The following GLI3 variants were observed in gnomAD, a reference collection of about 807,000 sequenced individuals.
GLI3 encodes transcription activator GLI3.
In GLI3, 20 loss-of-function variants were observed where a neutral mutation model predicts 100.8. That is an observed-to-expected ratio of 0.20 (90% CI 0.14 to 0.29). GLI3 has a LOEUF of 0.29. Among genes scored for constraint, GLI3 ranks in the 10% least tolerant of loss-of-function variants. GLI3 has a pLI of 1.00. For synonymous variants in GLI3, 938 were observed against 860.5 expected (o/e 1.09, Z -1.58); for missense variants, 2,040 against 2,128.5 (o/e 0.96, Z 0.82).
intron 2 of GLI3, among the ~76,000 whole-genome samples, chr7:42,153,759 T>C (rs1321218234): frequency 2.6e-5 from 4 of 152,176 alleles, no homozygotes; most frequent in East Asian, 1.9e-4. Context: ...TGAGGCTCCA[T>C]AAATATGTTG....
intron 3 of GLI3, among the ~76,000 whole-genome samples, chr7:42,078,025 T>C (rs933650141): frequency 3.3e-5 from 5 of 152,200 alleles, no homozygotes; most frequent in Non-Finnish European, 7.3e-5. Context: ...CTTCCAGTTA[T>C]TTCACCCTAG....
intron 2 of GLI3, among the ~76,000 whole-genome samples, chr7:42,214,533 G>A (rs1369458898): frequency 7.0e-5 from 10 of 142,236 alleles, no homozygotes; most frequent in Admixed American, 2.8e-4. Flanking sequence ...GAGCAAGCAA[G>A]AAAAAAAAAA....
chr7:42,038,763 T>C (rs748987909), intron 7 of GLI3, among the ~76,000 whole-genome samples: 3 of 152,230 alleles, frequency 2.0e-5, no homozygotes, highest in Non-Finnish European at 2.9e-5. Context: ...TTGCTGATAA[T>C]TGAACAAGAA....
chr7:42,227,855 A>G (rs936859785), intron 1 of GLI3: 16 of 152,292 alleles, frequency 1.1e-4, no homozygotes, highest in African/African-American at 3.6e-4. Flanking sequence ...AAACCCAAAC[A>G]GAAACTTTCA....
At chr7:42,065,459 G>A (rs1218333205) in intron 4 of GLI3, among the ~76,000 whole-genome samples, 1 of 151,910 alleles carries the variant, frequency 6.6e-6, no homozygotes, top group Non-Finnish European at 1.5e-5. Context: ...TCTACATTGA[G>A]GGTATAATGC....
chr7:42,248,074 T>C (rs1788993684), intron 1 of GLI3, among the ~76,000 whole-genome samples: 1 of 152,224 alleles, frequency 6.6e-6, no homozygotes, highest in South Asian at 2.1e-4. Flanking sequence ...AGGGATTCAA[T>C]ATTCCTATTA....
At chr7:42,058,435 C>T (rs182190328) in intron 4 of GLI3, among the ~76,000 whole-genome samples, 1 of 152,284 alleles carries the variant, frequency 6.6e-6, no homozygotes, top group Admixed American at 6.5e-5. Flanking sequence ...CCAAATACAT[C>T]GAGATTTCCC....
intron 1 of GLI3, among the ~76,000 whole-genome samples, chr7:42,261,580 A>G (rs542510274): frequency 2.0e-3 from 311 of 152,310 alleles, no homozygotes; most frequent in Non-Finnish European, 3.9e-3. Context: ...GTAAACAAGG[A>G]AAGATTTCAT....
At chr7:42,009,133 C>G (rs1788538852) in intron 10 of GLI3, among the ~76,000 whole-genome samples, 1 of 152,192 alleles carries the variant, frequency 6.6e-6, no homozygotes, top group Admixed American at 6.5e-5. Context: ...CTCCTAACTG[C>G]TGTTTAACAC....
intron 1 of GLI3, among the ~76,000 whole-genome samples, chr7:42,233,911 T>A (rs967096696): frequency 6.6e-6 from 1 of 152,186 alleles, no homozygotes. Context: ...TCCTATAAAG[T>A]CATTTCAGCA....
chr7:42,040,642 C>G (rs846320), intron 6 of GLI3, among the ~76,000 whole-genome samples: 84,812 of 151,908 alleles, frequency 0.56, 25,813 homozygotes, highest in African/African-American at 0.82. Context: ...CCAACACACA[C>G]CATTTTAAGT....
At chr7:42,178,947 C>T (rs1787536830) in intron 2 of GLI3, among the ~76,000 whole-genome samples, 2 of 151,954 alleles carry the variant, frequency 1.3e-5, no homozygotes, top group Non-Finnish European at 2.9e-5. Flanking sequence ...GAAGAAAGAG[C>T]CAGGGCAACA....
At chr7:42,019,413 G>A (rs1036659048) in intron 10 of GLI3, among the ~76,000 whole-genome samples, 1 of 152,158 alleles carries the variant, frequency 6.6e-6, no homozygotes, top group East Asian at 1.9e-4. Context: ...TTACTTCTCG[G>A]ACAAAATTAA....
chr7:42,132,302 A>C (rs187371356), intron 3 of GLI3, among the ~76,000 whole-genome samples: 6 of 151,508 alleles, frequency 4.0e-5, no homozygotes, highest in Non-Finnish European at 8.8e-5. Flanking sequence ...GGGTTTCACC[A>C]TGTTAGCCAG....
At chr7:42,191,962 G>A (rs1427063696) in intron 2 of GLI3, among the ~76,000 whole-genome samples, 1 of 150,540 alleles carries the variant, frequency 6.6e-6, no homozygotes, top group Admixed American at 6.6e-5. Context: ...AAACTGCCAA[G>A]AATAAACCAA....
At chr7:42,130,983 A>G (rs1786261570) in intron 3 of GLI3, among the ~76,000 whole-genome samples, 1 of 152,210 alleles carries the variant, frequency 6.6e-6, no homozygotes, top group Non-Finnish European at 1.5e-5. Context: ...GCCTTAAAAG[A>G]TCTTGTAGGG....
intron 2 of GLI3, among the ~76,000 whole-genome samples, chr7:42,159,719 C>A (rs1449904135): frequency 2.6e-5 from 4 of 151,924 alleles, no homozygotes; most frequent in Non-Finnish European, 5.9e-5. Flanking sequence ...GGAGCTGGAG[C>A]AAAAAAGACC....
chr7:42,252,108 G>A (rs1214662210), intron 1 of GLI3, among the ~76,000 whole-genome samples: 1 of 152,122 alleles, frequency 6.6e-6, no homozygotes, highest in African/African-American at 2.4e-5. Context: ...GCCCATCAAG[G>A]ATAGACTGGG....
Position 42,026,395 on chromosome 7 carries a change from G to T in GLI3, c.1046C>A (p.Thr349Asn). The T allele has an allele frequency of 6.2e-7, 1 of 1,614,110 alleles. No homozygotes were observed. Among genetic ancestry groups the T allele is most frequent in the Non-Finnish European group, 8.5e-7 (1 of 1,179,988 alleles). ...GAGAGAGACGGGCGCGGAAGAGTAG[G>T]TGAAGCTCAAGGCAGGGCTGCACGG... ...ASAISPALSF[T>N]YSSAPVSLHM... is the part of the protein sequence containing the mutation. Residue 349 changes from threonine (T) to asparagine (N), a missense_variant, in exon 8 of 15, where the codon ACC becomes AAC. Physicochemically the swap from Thr to Asn is moderately conservative, Grantham distance 65. This residue lies in a region of GLI3 where 603 missense variants were observed against 690.9 expected (regional missense o/e 0.87). Transcript: ENST00000395925.
Sources: gnomAD v4.1 joint callset for allele counts (sites outside exome capture counted in the v4.1 genomes callset) on GRCh38, gnomAD v4.1.1 for gene constraint, gnomAD v4.1.1 regional missense constraint, MANE v1.5 for transcripts, NCBI Gene and HGNC (gene_info 2026-07-23, HGNC 2026-07-21) for gene names.